CRISPLD2: variants seen among roughly 807,000 people sequenced by gnomAD.
CRISPLD2 encodes cysteine-rich secretory protein LCCL domain-containing 2.
CRISPLD2 carries 47 observed loss-of-function variants against 71.1 expected under a neutral mutation model. That is an observed-to-expected ratio of 0.66 (90% confidence interval 0.52 to 0.84). CRISPLD2 has a LOEUF of 0.84. Among genes scored for constraint, CRISPLD2 ranks in the 40% least tolerant of loss-of-function variants. The pLI is 0.00. For synonymous variants in CRISPLD2, 317 were observed against 250.1 expected (o/e 1.27, Z -2.52); for missense variants, 830 against 651.1 (o/e 1.27, Z -2.99).
intron 14 of CRISPLD2, among the ~76,000 whole-genome samples, chr16:84,892,849 G>A (rs1308719710): frequency 5.9e-5 from 9 of 151,626 alleles, no homozygotes; most frequent in South Asian, 2.1e-4. Context: ...GGTGGTGCAC[G>A]CCTGTAATGC....
chr16:84,823,917 T>C (rs1160852879), intron 1 of CRISPLD2, among the ~76,000 whole-genome samples: 1 of 152,186 alleles, frequency 6.6e-6, no homozygotes, highest in Non-Finnish European at 1.5e-5. Flanking sequence ...GGAAAAAAAG[T>C]CATGCTCCCA....
intron 14 of CRISPLD2, among the ~76,000 whole-genome samples, chr16:84,901,839 G>C (rs1430915421): frequency 7.2e-6 from 1 of 139,502 alleles, no homozygotes; most frequent in Non-Finnish European, 1.5e-5. Context: ...TATCGCCCAG[G>C]GTGGAGTGCA....
intron 12 of CRISPLD2, among the ~76,000 whole-genome samples, chr16:84,878,482 G>A (rs2071540701): frequency 6.6e-6 from 1 of 152,180 alleles, no homozygotes; most frequent in East Asian, 1.9e-4. Context: ...TCATGTGTTG[G>A]AGACTCAGCC....
At chr16:84,823,207 C>G (rs1430733198) in intron 1 of CRISPLD2, among the ~76,000 whole-genome samples, 1 of 152,186 alleles carries the variant, frequency 6.6e-6, no homozygotes, top group African/African-American at 2.4e-5. Context: ...TTTTTTATGG[C>G]TGAGTAATAT....
intron 5 of CRISPLD2, among the ~76,000 whole-genome samples, chr16:84,853,250 G>A (rs145760764): frequency 1.3e-5 from 2 of 152,138 alleles, no homozygotes; most frequent in African/African-American, 2.4e-5. Context: ...ACAGGGCCAC[G>A]ATCATCTGAG....
intron 13 of CRISPLD2, among the ~76,000 whole-genome samples, chr16:84,887,603 G>A (rs184411628): frequency 6.6e-5 from 10 of 152,360 alleles, no homozygotes; most frequent in African/African-American, 1.4e-4. Flanking sequence ...CAGGCCGGGC[G>A]CGGCGGCTCA....
intron 1 of CRISPLD2, chr16:84,828,128 A>G (rs7204018): frequency 0.73 from 111,632 of 152,148 alleles, 41,187 homozygotes; most frequent in Non-Finnish European, 0.76. Context: ...TTCCGCAGCC[A>G]GCTCTCGACT....
chr16:84,835,711 C>G (rs568600340), intron 1 of CRISPLD2, among the ~76,000 whole-genome samples: 3 of 152,218 alleles, frequency 2.0e-5, no homozygotes, highest in South Asian at 4.1e-4. Flanking sequence ...TCTCCCAACT[C>G]TAAAGCTCCA....
At chr16:84,848,967 C>A (rs1407687530) in intron 3 of CRISPLD2, among the ~76,000 whole-genome samples, 3 of 141,210 alleles carry the variant, frequency 2.1e-5, no homozygotes, top group Non-Finnish European at 4.5e-5. Flanking sequence ...GCCTGGGCGA[C>A]AGAGCGAGAC....
At chr16:84,894,767 A>G (rs1567705217) in intron 14 of CRISPLD2, among the ~76,000 whole-genome samples, 1 of 152,148 alleles carries the variant, frequency 6.6e-6, no homozygotes, top group Non-Finnish European at 1.5e-5. Flanking sequence ...AAGGTCTTGG[A>G]GATCTGGTGT....
At chr16:84,903,544 A>T (rs2071774371) in intron 14 of CRISPLD2, among the ~76,000 whole-genome samples, 1 of 151,038 alleles carries the variant, frequency 6.6e-6, no homozygotes, top group East Asian at 1.9e-4. Flanking sequence ...ATGAGCCGAG[A>T]TCACACCGTT....
intron 6 of CRISPLD2, among the ~76,000 whole-genome samples, chr16:84,858,847 C>T (rs144188268): frequency 2.6e-4 from 40 of 152,272 alleles, no homozygotes; most frequent in African/African-American, 9.4e-4. Flanking sequence ...CCAGGAGATG[C>T]GTTAATTTGC....
intron 1 of CRISPLD2, among the ~76,000 whole-genome samples, chr16:84,835,278 C>T (rs916015838): frequency 6.6e-5 from 10 of 152,028 alleles, no homozygotes; most frequent in Admixed American, 3.9e-4. Context: ...TTAGTAGAGA[C>T]GGGGTTTCTC....
At chr16:84,856,059 C>G (rs771893908) in intron 6 of CRISPLD2, among the ~76,000 whole-genome samples, 1 of 152,248 alleles carries the variant, frequency 6.6e-6, no homozygotes, top group Non-Finnish European at 1.5e-5. Context: ...GTATTGATGA[C>G]TACCTTCTTC....
rs1394307616 is a variant in CRISPLD2, at chr16:84,820,011, G to C, written c.-197G>C. ...CTCGCATCCCAGGGCGTCTCCGGCT[G>C]CTCCTATTGAGCTGTCTGCTCGCTG... On this transcript the variant is annotated 5_prime_UTR_variant, in exon 1 of 15. Transcript: ENST00000262424. 6.6e-6 allele frequency: 1 copy of C among 152,350 alleles called. No individual in the cohort carries two copies. The highest frequency in any genetic ancestry group is 6.5e-5 in the Admixed American group (1 of 15,286). 9.4% of individuals were successfully genotyped at this position (152,350 alleles called of 1,614,324 possible).
At chr16:84,848,689 C>T (rs1488493156) in intron 3 of CRISPLD2, among the ~76,000 whole-genome samples, 1 of 152,184 alleles carries the variant, frequency 6.6e-6, no homozygotes, top group African/African-American at 2.4e-5. Flanking sequence ...GATCCTACCG[C>T]CTCAGCCTCC....
Position 84,909,409 on chromosome 16 carries a change from C to G in CRISPLD2, c.*2767C>G, listed in dbSNP as rs979042894. On this transcript the variant is annotated 3_prime_UTR_variant, in exon 15 of 15. Transcript: ENST00000262424. ...TGCATGAACAGGGGCCACGTTGTTG[C>G]AATTGTTTCAGTAGAACTGGTTTGA... The G allele has an allele frequency of 1.3e-5, 2 of 152,626 alleles. No individual in the cohort carries two copies. Among genetic ancestry groups the G allele is most frequent in the African/African-American group, 4.8e-5 (2 of 41,434 alleles). 9.5% of individuals were successfully genotyped at this position (152,626 alleles called of 1,614,324 possible). A position where few individuals can be genotyped will look rare whatever the true frequency, so the allele number is the denominator to read the frequency against.
At chr16:84,826,913 C>G (rs894645745) in intron 1 of CRISPLD2, among the ~76,000 whole-genome samples, 1 of 152,212 alleles carries the variant, frequency 6.6e-6, no homozygotes, top group Non-Finnish European at 1.5e-5. Flanking sequence ...ATGGTGTGCT[C>G]TCTCCTTGGA....
In CRISPLD2 at chr16:84,824,984, G is replaced by T. The variant is rs192524107; in HGVS notation, c.-75+4851G>T. ...CCGGGCGTGGTGGCAGGCACCTGTA[G>T]TCCCAGCTACTCGGGAGGCTGAGAC... On this transcript the variant is annotated intron_variant, in intron 1 of 14. Coordinates refer to ENST00000262424, the MANE Select transcript of CRISPLD2 (RefSeq NM_031476.4). 5.9e-3 allele frequency among the ~76,000 whole-genome samples: 894 copies of T among 152,016 alleles called. 8 individuals carry two copies. The highest frequency in any genetic ancestry group is 0.02 in the African/African-American group (850 of 41,464).
Sources: gnomAD v4.1 joint callset for allele counts (sites outside exome capture counted in the v4.1 genomes callset) on GRCh38, gnomAD v4.1.1 for gene constraint, MANE v1.5 for transcripts, NCBI Gene and HGNC (gene_info 2026-07-23, HGNC 2026-07-21) for gene names.